MYO15B: variants seen among roughly 807,000 people sequenced by gnomAD.
MYO15B encodes the protein myosin XVB pseudogene.
In MYO15B, 207 loss-of-function variants were observed where a neutral mutation model predicts 119.3. The observed-to-expected ratio is 1.73, with a 90% CI of 1.55 to 1.95. MYO15B has a LOEUF of 1.95. MYO15B is among the 30% of genes most tolerant of loss of function. The probability of loss-of-function intolerance (pLI) is 0.00; values close to 1 mark genes in which losing one functional copy is unlikely to be tolerated. For synonymous variants in MYO15B, 966 were observed against 498.9 expected, an observed-to-expected ratio of 1.94 and a Z score of -12.48; for missense variants, 2,264 against 1,203.1, an observed-to-expected ratio of 1.88 and a Z score of -13.04.
rs916080797 is a variant in MYO15B, at chr17:75,615,690, C to T, written c.5839-3C>T. The T allele has an allele frequency of 1.5e-6, 1 of 675,282 alleles. No individual in the cohort carries two copies. Among genetic ancestry groups the T allele is most frequent in the African/African-American group, 1.8e-5 (1 of 56,740 alleles). 41.8% of individuals were successfully genotyped at this position (675,282 alleles called of 1,614,324 possible). A position where few individuals can be genotyped will look rare whatever the true frequency, so the allele number is the denominator to read the frequency against. ...TCTGAACTGGCTGCTCCTCCTGCTT[C>T]AGGCCCAGCAGATGACAGCCCAGGC... On this transcript the variant is annotated splice_region_variant and splice_polypyrimidine_tract_variant and intron_variant, in intron 35 of 63. Transcript: ENST00000645453.
chr17:75,601,431 C>G lies in MYO15B; in HGVS notation c.3526-7C>G, dbSNP rs1348744585. The stretch of plus-strand genomic sequence containing the variant: ...GGCGTGAAGGGAGCTCATGGCTCCT[C>G]TCCTAGGCCACGGACCACACCTTCC... On this transcript the variant is annotated splice_polypyrimidine_tract_variant and splice_region_variant and intron_variant, in intron 14 of 63. Coordinates refer to ENST00000645453, the Ensembl canonical transcript of MYO15B. 2.8e-6 allele frequency: 2 copies of G among 702,934 alleles called. No individual in the cohort carries two copies. The highest frequency in any genetic ancestry group is 5.2e-6 in the Non-Finnish European group (2 of 384,926). The allele number at this position is 702,934 out of a possible 1,614,324, so 43.5% of individuals were successfully genotyped here.
chr17:75,592,833 C>T (rs1350367776), exon 9 of MYO15B: 9 of 701,532 alleles, frequency 1.3e-5, no homozygotes, highest in East Asian at 2.7e-5. Context: ...TGCTTCTCCT[C>T]CTCAGAGGTG....
Position 75,602,906 on chromosome 17 carries a change from TC to T in MYO15B, c.3808del (p.Gln1270SerfsTer8). ...GGCAGACCCACGCTGGCCTCTCGCT[TC>T]CAGCAGGCCCTGGAGGACCTCATAG... On this transcript the variant is annotated frameshift_variant, in exon 17 of 64. Transcript: ENST00000645453. LOFTEE classifies it high-confidence loss of function. The T allele has an allele frequency of 1.5e-6, 1 of 689,140 alleles. No homozygotes were observed. The highest frequency in any genetic ancestry group is 2.6e-6 in the Non-Finnish European group (1 of 377,574). 42.7% of individuals were successfully genotyped at this position (689,140 alleles called of 1,614,324 possible).
At chr17:75,588,150 T>C (rs2056182085) in exon 1 of MYO15B, 1 of 397,796 alleles carries the variant, frequency 2.5e-6, no homozygotes, top group Non-Finnish European at 4.4e-6. Context: ...CCAGCGCGGA[T>C]GGCGCGCCCA....
In MYO15B at chr17:75,622,098, G is replaced by A. The variant is rs144009955; in HGVS notation, c.8082+18G>A. ...TGCTGAAGGTAAGCCTGGGCTGTGC[G>A]ACCCCCAGCGCCTGTGCCTGTCCTC... On this transcript the variant is annotated intron_variant, in intron 53 of 63. Coordinates refer to ENST00000645453, the Ensembl canonical transcript of MYO15B. 1.2e-3 allele frequency: 812 copies of A among 702,870 alleles called. 7 individuals carry two copies. The East Asian group carries it at 0.019, about 16-fold the overall frequency. 43.5% of individuals were successfully genotyped at this position (702,870 alleles called of 1,614,324 possible).
chr17:75,592,590 T>G lies in MYO15B; in HGVS notation c.2829+49T>G, dbSNP rs1415952305. 4.8e-6 allele frequency: 3 copies of G among 624,172 alleles called. No individual in the cohort carries two copies. The African/African-American group carries it at 5.4e-5, about 11-fold the overall frequency. The allele number at this position is 624,172 out of a possible 1,614,324, so 38.7% of individuals were successfully genotyped here. A position where few individuals can be genotyped will look rare whatever the true frequency, so the allele number is the denominator to read the frequency against. ...GCGGGGAGGCCTGCCCAGAGGAGGA[T>G]CTCGGCCCGGAGGTCTGAGGAGTAG... On this transcript the variant is annotated intron_variant, in intron 8 of 63. Transcript: ENST00000645453.
At chr17:75,613,952 A>C (rs895571151) in intron 29 of MYO15B, 175 bp downstream of exon 29, 14 of 589,600 alleles carry the variant, frequency 2.4e-5, no homozygotes, top group Non-Finnish European at 4.2e-5. Context: ...GGGGCTTGGG[A>C]GCTCCCACGG....
At position 75,616,871 on chromosome 17, in the gene MYO15B, G is replaced by A. The variant is rs1226121367; in HGVS notation, c.6507-3G>A. On this transcript the variant is annotated splice_region_variant and splice_polypyrimidine_tract_variant and intron_variant, in intron 39 of 63. Transcript: ENST00000645453. ...CTTAGTGACCTCTTGCTTCTCCCACGAGGCCTCCCAAAGCTTTCCTGAGGA... is the reference window on the plus strand; with the variant it reads ...CTTAGTGACCTCTTGCTTCTCCCACAAGGCCTCCCAAAGCTTTCCTGAGGA... The A allele has an allele frequency of 1.1e-5, 8 of 702,920 alleles. No homozygotes were observed. Among genetic ancestry groups the A allele is most frequent in the South Asian group, 4.4e-5 (3 of 67,608 alleles). The allele number at this position is 702,920 out of a possible 1,614,324, so 43.5% of individuals were successfully genotyped here. A position where few individuals can be genotyped will look rare whatever the true frequency, so the allele number is the denominator to read the frequency against.
At chr17:75,600,430 C>CT (rs11295393) in intron 14 of MYO15B, among the ~76,000 whole-genome samples, 33,303 of 145,838 alleles carry the variant, frequency 0.23, 4,197 homozygotes, top group Non-Finnish European at 0.3. Context: ...ATCCCCATTT[C>CT]TTTTTTTTTT....
At chr17:75,603,057 C>T (rs1242248421) in exon 18 of MYO15B, 2 of 703,376 alleles carry the variant, frequency 2.8e-6, no homozygotes, top group Non-Finnish European at 5.2e-6. Context: ...CATCCAGTGC[C>T]TCACCCCTAA....
In MYO15B at chr17:75,616,544, C is replaced by A. The variant is rs192928339; in HGVS notation, c.6265C>A (p.Pro2089Thr). 1.0e-5 allele frequency: 7 copies of A among 702,688 alleles called. No individual in the cohort carries two copies. The African/African-American group carries it at 1.0e-4, about 11-fold the overall frequency. 43.5% of individuals were successfully genotyped at this position (702,688 alleles called of 1,614,324 possible). Reference sequence around the variant, plus strand: ...GTCAGTGCCGTCCCCTCCTCCTCCCCCCATCGTGAAGAAGCCATTGAAGCA... The same window carrying A: ...GTCAGTGCCGTCCCCTCCTCCTCCCACCATCGTGAAGAAGCCATTGAAGCA... The change falls in exon 39 of 64, where the codon CCC becomes ACC. Residue 2089 changes from proline to threonine, a missense_variant. Physicochemically the swap from Pro to Thr is conservative, Grantham distance 38. Transcript: ENST00000645453.
chr17:75,619,386 C>T lies in MYO15B; in HGVS notation c.7092C>T (p.Leu2364=), dbSNP rs529148310. 1.9e-5 allele frequency: 13 copies of T among 702,690 alleles called. No individual in the cohort carries two copies. The East Asian group carries it at 3.5e-4, about 19-fold the overall frequency. 43.5% of individuals were successfully genotyped at this position (702,690 alleles called of 1,614,324 possible). ...GCTTGGAGGTGGACCTGGATTCTCTCACCACCACCGAAGACAGCGTCAAGA... is the reference window on the plus strand; with the variant it reads ...GCTTGGAGGTGGACCTGGATTCTCTTACCACCACCGAAGACAGCGTCAAGA... The change falls in exon 45 of 64, where the codon CTC becomes CTT. Residue 2364 remains leucine, a synonymous_variant. Coordinates refer to ENST00000645453, the Ensembl canonical transcript of MYO15B.
At chr17:75,608,239 C>T (rs1379395615) in intron 21 of MYO15B, among the ~76,000 whole-genome samples, 1 of 152,034 alleles carries the variant, frequency 6.6e-6, no homozygotes, top group Non-Finnish European at 1.5e-5. Context: ...CTGCCTCAGC[C>T]TCCCGAGTAG....
intron 21 of MYO15B, among the ~76,000 whole-genome samples, chr17:75,609,768 C>T (rs1050256960): frequency 6.8e-5 from 10 of 147,844 alleles, no homozygotes; most frequent in East Asian, 2.1e-4. Context: ...TGCAATGGCG[C>T]GATCTCGGCT....
chr17:75,617,889 C>T (rs913992427), exon 42 of MYO15B: 46 of 702,802 alleles, frequency 6.5e-5, no homozygotes, highest in Admixed American at 4.0e-4. Context: ...TCTCCTACAC[C>T]GGCACGCCCT....
In MYO15B at chr17:75,600,430, CTTTTT is replaced by C. The variant is rs11295393; in HGVS notation, c.3526-999_3526-995del. Among the ~76,000 whole-genome samples the C allele has an allele frequency of 3.7e-3, 535 of 146,004 alleles. 6 individuals are homozygous for C. Among genetic ancestry groups the C allele is most frequent in the African/African-American group, 0.013 (504 of 39,608 alleles). On this transcript the variant is annotated intron_variant, in intron 14 of 63. Transcript: ENST00000645453. Reference sequence around the variant, plus strand: ...GTACTAAAGTGCCCCATCCCCATTTCTTTTTTTTTTTTTGTTTAAGTACTTACTTA... The same window carrying C: ...GTACTAAAGTGCCCCATCCCCATTTCTTTTTTTTGTTTAAGTACTTACTTA...
At chr17:75,602,757 T>G in intron 16 of MYO15B, 73 bp from the exon 17 acceptor site, 1 of 604,520 alleles carries the variant, frequency 1.7e-6, no homozygotes, top group Non-Finnish European at 2.9e-6. Context: ...GCTGGTCCAT[T>G]CTGGCTCTCC....
intron 21 of MYO15B, chr17:75,606,973 T>G (rs948117337): frequency 5.3e-5 from 21 of 398,422 alleles, no homozygotes; most frequent in Non-Finnish European, 8.8e-5. Context: ...TGGCTGACCG[T>G]CTGCCTCATC....
rs138907901 is a variant in MYO15B at position 75,608,475 on chromosome 17, T to A, written c.4293-1691T>A. On this transcript the variant is annotated intron_variant, in intron 21 of 63. Coordinates refer to ENST00000645453, the Ensembl canonical transcript of MYO15B. ...TTAAAAAAATTTTTTTGAGACAGAGTCTTGCTATATCATCCAAGTTGGAGT... is the reference window on the plus strand; with the variant it reads ...TTAAAAAAATTTTTTTGAGACAGAGACTTGCTATATCATCCAAGTTGGAGT... Among the ~76,000 whole-genome samples, 281 of 151,986 alleles carry A rather than the reference T, an allele frequency of 1.8e-3. 6 individuals carry two copies. The East Asian group carries it at 0.046, about 25-fold the overall frequency.
Sources: allele counts gnomAD v4.1 joint callset (sites outside exome capture counted in the v4.1 genomes callset), GRCh38; gene constraint gnomAD v4.1.1; transcripts MANE v1.5; gene names NCBI Gene and HGNC (gene_info 2026-07-23, HGNC 2026-07-21).